The following MME variants were observed in gnomAD, a reference collection of about 807,000 sequenced individuals.
The protein encoded by MME is membrane metalloendopeptidase.
MME carries 98 observed loss-of-function variants against 113.2 expected under a neutral mutation model. That is an observed-to-expected ratio of 0.87 (90% CI 0.74 to 1.02). The LOEUF (loss-of-function observed/expected upper bound fraction) is 1.02, where lower values mean the gene tolerates loss of function less well. Ranked by LOEUF, MME falls within the 50% of genes least tolerant of loss-of-function variation. The probability of loss-of-function intolerance (pLI) is 0.00; values close to 1 mark genes in which losing one functional copy is unlikely to be tolerated. For missense variants in MME, 836 were observed against 896.0 expected (o/e 0.93, Z 0.86); for synonymous variants, 292 against 300.6 (o/e 0.97, Z 0.30).
At chr3:155,127,924 T>TA (rs1719819245) in intron 8 of MME, among the ~76,000 whole-genome samples, 1 of 138,678 alleles carries the variant, frequency 7.2e-6, no homozygotes, top group Non-Finnish European at 1.6e-5. Context: ...CACTGGCACT[T>TA]ACAGCCCGGA....
intron 22 of MME, among the ~76,000 whole-genome samples, chr3:155,176,903 G>C (rs182081873): frequency 6.6e-6 from 1 of 152,124 alleles, no homozygotes; most frequent in African/African-American, 2.4e-5. Context: ...TGAAGCCCTA[G>C]TGTGTTGTTG....
At chr3:155,086,979 GT>G (rs1208777555) in intron 3 of MME, among the ~76,000 whole-genome samples, 1 of 145,590 alleles carries the variant, frequency 6.9e-6, no homozygotes, top group Non-Finnish European at 1.5e-5. Flanking sequence ...TAGGTTGTGG[GT>G]TTTTTGTTTT....
upstream of MME, among the ~76,000 whole-genome samples, chr3:155,077,846 C>G (rs906196740): frequency 6.6e-6 from 1 of 151,948 alleles, no homozygotes; most frequent in African/African-American, 2.4e-5. Context: ...CTAAAATTAA[C>G]TCTAAGTAGG....
chr3:155,131,826 T>A (rs781020797), intron 8 of MME, among the ~76,000 whole-genome samples: 8 of 152,196 alleles, frequency 5.3e-5, no homozygotes, highest in Non-Finnish European at 1.2e-4. Flanking sequence ...CAGGTCTCTC[T>A]GCTAACAACT....
At chr3:155,179,958 C>A (rs1464406007) in intron 22 of MME, among the ~76,000 whole-genome samples, 2 of 152,120 alleles carry the variant, frequency 1.3e-5, no homozygotes, top group Admixed American at 1.3e-4. Context: ...ATTCTTTGAC[C>A]AAACTCTTAT....
intron 17 of MME, among the ~76,000 whole-genome samples, chr3:155,165,021 C>T (rs1722989687): frequency 6.6e-6 from 1 of 152,128 alleles, no homozygotes; most frequent in African/African-American, 2.4e-5. Flanking sequence ...ACATGTGCTA[C>T]TCTGTGTTAA....
intron 8 of MME, among the ~76,000 whole-genome samples, chr3:155,122,610 A>G (rs1179606495): frequency 3.0e-5 from 1 of 33,682 alleles, no homozygotes; most frequent in African/African-American, 1.2e-4. Flanking sequence ...AGATTCTGGT[A>G]TGTTGTGTCT....
intron 1 of MME, among the ~76,000 whole-genome samples, chr3:155,054,414 A>G (rs1226702616): frequency 1.3e-5 from 2 of 152,150 alleles, no homozygotes; most frequent in African/African-American, 4.8e-5. Context: ...GAGTATTTTT[A>G]TATTTCTGAT....
chr3:155,063,514 AATATATATATTAAAAATATATATTTAAAT>A (rs1714252439), intron 1 of MME, among the ~76,000 whole-genome samples: 1 of 111,528 alleles, frequency 9.0e-6, no homozygotes, highest in East Asian at 2.3e-4. Flanking sequence ...TATATATTTA[AATATATATATTAAAAATATATATTTAAAT>A]AATATATTTA....
chr3:155,097,794 AAAGT>A (rs1716865034), intron 3 of MME, among the ~76,000 whole-genome samples: 2 of 152,130 alleles, frequency 1.3e-5, no homozygotes, highest in Admixed American at 1.3e-4. Flanking sequence ...GCTGGTAGAG[AAAGT>A]AAGTAAGGAG....
chr3:155,041,004 A>C (rs540887385), intron 1 of MME, among the ~76,000 whole-genome samples: 65 of 152,158 alleles, frequency 4.3e-4, no homozygotes, highest in African/African-American at 1.5e-3. Context: ...TGTTATAAAG[A>C]CTCTCTCTAT....
At chr3:155,089,634 C>T (rs541587640) in intron 3 of MME, among the ~76,000 whole-genome samples, 10 of 152,156 alleles carry the variant, frequency 6.6e-5, no homozygotes, top group African/African-American at 1.2e-4. Flanking sequence ...TCCCTCTTAA[C>T]GGTAGGCAGG....
upstream of MME, among the ~76,000 whole-genome samples, chr3:155,079,142 AG>A (rs371630621): frequency 4.2e-4 from 64 of 151,954 alleles, no homozygotes; most frequent in East Asian, 9.4e-3. Flanking sequence ...GAAAGAGGGA[AG>A]CGGGGTGGAG....
rs554451345 is a variant in MME at position 155,024,760 on chromosome 3, G to A, written c.-11+436G>A. Among the ~76,000 whole-genome samples, 8 of 152,234 alleles carry A rather than the reference G, an allele frequency of 5.3e-5. No individual in the cohort carries two copies. The South Asian group carries it at 8.3e-4, about 16-fold the overall frequency. ...TAACATAGAAAAAGGGACATCTGTC[G>A]TAGAGATACATTTCCTATAAAGGTG... On this transcript the variant is annotated intron_variant, in intron 1 of 22. Transcript: ENST00000492661.
chr3:155,109,359 G>T (rs1005660516), intron 3 of MME, among the ~76,000 whole-genome samples: 2 of 152,070 alleles, frequency 1.3e-5, no homozygotes, highest in Admixed American at 6.6e-5. Flanking sequence ...GTGGTGTCTG[G>T]GTAGGAGGCT....
intron 8 of MME, among the ~76,000 whole-genome samples, chr3:155,126,726 G>A (rs541137121): frequency 3.0e-4 from 46 of 152,148 alleles, no homozygotes; most frequent in African/African-American, 1.0e-3. Flanking sequence ...TTGGCTGGGC[G>A]CAGTGGCTCA....
At chr3:155,160,152 A>G (rs1165009060) in intron 16 of MME, among the ~76,000 whole-genome samples, 1 of 152,096 alleles carries the variant, frequency 6.6e-6, no homozygotes, top group Non-Finnish European at 1.5e-5. Context: ...AGAGGCCTCC[A>G]TAAAAATCCA....
At chr3:155,038,459 C>A (rs1007752800) in intron 1 of MME, among the ~76,000 whole-genome samples, 1 of 152,150 alleles carries the variant, frequency 6.6e-6, no homozygotes, top group African/African-American at 2.4e-5. Context: ...CTTCCAAGAA[C>A]CTTTCATAGA....
At chr3:155,025,320 A>G (rs1712744074) in intron 1 of MME, among the ~76,000 whole-genome samples, 2 of 152,142 alleles carry the variant, frequency 1.3e-5, no homozygotes, top group Admixed American at 1.3e-4. Flanking sequence ...TGCACAGTAA[A>G]TGAATTCTGG....
Sources: allele counts gnomAD v4.1 joint callset (sites outside exome capture counted in the v4.1 genomes callset), GRCh38; gene constraint gnomAD v4.1.1; transcripts MANE v1.5; gene names NCBI Gene and HGNC (gene_info 2026-07-23, HGNC 2026-07-21).